Variants in ARRDC2 observed in about 807,000 individuals in gnomAD.
ARRDC2 encodes arrestin domain-containing protein 2.
A neutral mutation model predicts 38.9 loss-of-function variants in ARRDC2; 39 were observed. The ratio of observed to expected loss-of-function variants is 1.00; its 90% CI spans 0.78 to 1.31. The LOEUF (loss-of-function observed/expected upper bound fraction) is 1.31. Among genes scored for constraint, ARRDC2 ranks in the 50% most tolerant of loss-of-function variants. The pLI is 0.00. For synonymous variants in ARRDC2, 300 were observed against 261.9 expected, an observed-to-expected ratio of 1.15 and a Z score of -1.41; for missense variants, 553 against 588.4, an observed-to-expected ratio of 0.94 and a Z score of 0.62.
upstream of ARRDC2, among the ~76,000 whole-genome samples, chr19:18,005,806 C>T (rs1054582749): frequency 4.0e-5 from 6 of 151,548 alleles, no homozygotes; most frequent in South Asian, 8.3e-4. Context: ...GGCTGCCGGG[C>T]GGAGAAGCTC....
upstream of ARRDC2, among the ~76,000 whole-genome samples, chr19:18,005,760 C>G (rs1363585213): frequency 6.6e-6 from 1 of 150,984 alleles, no homozygotes; most frequent in Non-Finnish European, 1.5e-5. Flanking sequence ...ACTGGCTTGG[C>G]GGGGGCTGAC....
chr19:18,001,547 T>C (rs1306398646), exon 1 of ARRDC2: 1 of 1,378,712 alleles, frequency 7.3e-7, no homozygotes, highest in Admixed American at 3.1e-5. Flanking sequence ...GAGACCTACC[T>C]GCGGCGTCGG....
At chr19:18,006,409 G>A (rs967390273), upstream of ARRDC2, among the ~76,000 whole-genome samples, 4 of 152,230 alleles carry the variant, frequency 2.6e-5, no homozygotes, top group Non-Finnish European at 5.9e-5. Context: ...TGGATCACTC[G>A]AGGTTAGGAG....
chr19:18,001,721 C>G, intron 1 of ARRDC2: 1 of 946,120 alleles, frequency 1.1e-6, no homozygotes, highest in Non-Finnish European at 1.4e-6. Context: ...GGTCCTGACC[C>G]TCCCACAGGT....
Position 18,010,371 on chromosome 19 carries a change from C to T in ARRDC2, c.1012+13C>T. 6.2e-7 allele frequency: 1 copy of T among 1,603,762 alleles called. No individual in the cohort carries two copies. Among genetic ancestry groups the T allele is most frequent in the South Asian group, 1.1e-5 (1 of 90,846 alleles). The stretch of plus-strand genomic sequence containing the variant: ...GAGCGGCCTGAGGGTAAGCTCCCAC[C>T]CTGCTTGCATGCAGAGGGTGGGTGG... On this transcript the variant is annotated intron_variant, in intron 6 of 7. Coordinates refer to ENST00000222250, the MANE Select transcript of ARRDC2 (RefSeq NM_015683.2).
At chr19:18,001,187 C>A in exon 1 of ARRDC2, 1 of 1,032,600 alleles carries the variant, frequency 9.7e-7, no homozygotes, top group Non-Finnish European at 1.2e-6. Flanking sequence ...GGCCCAAGTT[C>A]GCCGGGGGGG....
In ARRDC2 at chr19:18,010,291, C is replaced by T; in HGVS notation, c.945C>T (p.Ser315=). Reference sequence around the variant, plus strand: ...TGCACCCTTTTGGCAGCCGTTCCTCCAGCGTGGGCAGCCACGCCAGCTTCC... The same window carrying T: ...TGCACCCTTTTGGCAGCCGTTCCTCTAGCGTGGGCAGCCACGCCAGCTTCC... ...IPLHPFGSRS[S]SVGSHASFLL... Residue 315 remains serine, a synonymous_variant, in exon 6 of 8, where the codon TCC becomes TCT. Coordinates refer to ENST00000222250, the MANE Select transcript of ARRDC2 (RefSeq NM_015683.2). The T allele has an allele frequency of 6.2e-7, 1 of 1,613,378 alleles. No homozygotes were observed. The highest frequency in any genetic ancestry group is 8.5e-7 in the Non-Finnish European group (1 of 1,180,018).
chr19:18,001,593 G>A, intron 1 of ARRDC2: 1 of 1,304,372 alleles, frequency 7.7e-7, no homozygotes, highest in Non-Finnish European at 9.8e-7. Context: ...TCGTCGCGCC[G>A]CCCCCGCAGC....
upstream of ARRDC2, chr19:18,008,117 CCCCA>C: frequency 2.3e-6 from 1 of 440,220 alleles, no homozygotes; most frequent in Non-Finnish European, 3.6e-6. Context: ...GAGACGGTGA[CCCCA>C]CCCCCCCCCG....
At chr19:18,002,401 A>C (rs1190802504) in intron 1 of ARRDC2, among the ~76,000 whole-genome samples, 14 of 152,192 alleles carry the variant, frequency 9.2e-5, no homozygotes, top group Non-Finnish European at 2.1e-4. Context: ...TAGGCCACGC[A>C]GCTGGTCACC....
In ARRDC2 at chr19:18,014,024, C is replaced by G. The variant is rs2033463244; in HGVS notation, c.*1058C>G. 1 of 152,010 alleles carries G rather than the reference C, an allele frequency of 6.6e-6. No individual in the cohort carries two copies. The highest frequency in any genetic ancestry group is 2.1e-4 in the South Asian group (1 of 4,822). 9.4% of individuals were successfully genotyped at this position (152,010 alleles called of 1,614,324 possible). ...GCTGGGGCAGGGCCCCGGCCTGGGA[C>G]TCAGCATTTCTGATATGCCTTAAGA... is the stretch of plus-strand genomic sequence containing the variant. On this transcript the variant is annotated 3_prime_UTR_variant, in exon 8 of 8. Transcript: ENST00000222250.
chr19:18,005,016 A>T (rs73026604), upstream of ARRDC2, among the ~76,000 whole-genome samples: 2,178 of 148,764 alleles, frequency 0.015, 28 homozygotes, highest in Admixed American at 0.026. Context: ...TTTAAAAAAA[A>T]TTTTTTTTTT....
intron 5 of ARRDC2, 35 bp from the exon 6 acceptor site, chr19:18,010,161 G>C (rs2033382740): frequency 1.9e-6 from 3 of 1,607,322 alleles, no homozygotes; most frequent in African/African-American, 2.7e-5. Flanking sequence ...TGGGGAGGCT[G>C]CCTGGGCACC....
At chr19:18,003,020 A>C (rs369847298) in intron 1 of ARRDC2, among the ~76,000 whole-genome samples, 26 of 152,078 alleles carry the variant, frequency 1.7e-4, no homozygotes, top group African/African-American at 5.8e-4. Flanking sequence ...GAATTGCTTG[A>C]ACCCGGCAGG....
upstream of ARRDC2, among the ~76,000 whole-genome samples, chr19:18,005,866 C>CA: frequency 6.6e-6 from 1 of 151,172 alleles, no homozygotes; most frequent in South Asian, 2.1e-4. Flanking sequence ...CCTCACTTCT[C>CA]AGACGGGGCG....
In ARRDC2 at chr19:18,010,215, G is replaced by A. The variant is rs767199251; in HGVS notation, c.869G>A (p.Gly290Glu). ...CTCCAGGTCTGTGTGGATATCCCAGGAACGTCCAAGCTGCTGCTGGAGCTG... is the reference window on the plus strand; with the variant it reads ...CTCCAGGTCTGTGTGGATATCCCAGAAACGTCCAAGCTGCTGCTGGAGCTG... ...YALKVCVDIP[G>E]TSKLLLELPL... The change falls in exon 6 of 8, where the codon GGA (glycine) becomes GAA (glutamate). Residue 290 changes from glycine to glutamate, a missense_variant. Physicochemically the swap from Gly to Glu is moderately conservative, Grantham distance 98 (BLOSUM62 -2). This residue lies in a region of ARRDC2 where 447 missense variants were observed against 456.6 expected (regional missense o/e 0.98). Transcript: ENST00000222250. 3.7e-6 allele frequency: 6 copies of A among 1,613,562 alleles called. No homozygotes were observed. The highest frequency in any genetic ancestry group is 2.2e-5 in the East Asian group (1 of 44,874).
chr19:18,008,364 G>T lies in ARRDC2; in HGVS notation c.54G>T (p.Ala18=). The change falls in exon 1 of 8, where the codon GCG becomes GCT. Residue 18 remains alanine, a synonymous_variant. Transcript: ENST00000222250. ...CGGTGCAGTTGGACGGCGCGACCGCGGGCGTCGAGCCCGTGTTTAGCGGCG... is the reference window on the plus strand; with the variant it reads ...CGGTGCAGTTGGACGGCGCGACCGCTGGCGTCGAGCCCGTGTTTAGCGGCG... ...AFSVQLDGAT[A]GVEPVFSGGQ... 6.3e-6 allele frequency: 10 copies of T among 1,596,908 alleles called. No homozygotes were observed. Among genetic ancestry groups the T allele is most frequent in the Non-Finnish European group, 8.5e-6 (10 of 1,179,006 alleles).
At chr19:18,010,132 A>G in intron 5 of ARRDC2, 64 bp from the exon 6 acceptor site, 1 of 1,607,156 alleles carries the variant, frequency 6.2e-7, no homozygotes, top group Non-Finnish European at 8.5e-7. Context: ...CTCCCCAGGC[A>G]TAGGAGGGAG....
rs2033457727 is a variant in ARRDC2, at chr19:18,013,744, A to C, written c.*778A>C. 6.6e-6 allele frequency: 1 copy of C among 152,296 alleles called. No homozygotes were observed. Among genetic ancestry groups the C allele is most frequent in the East Asian group, 1.9e-4 (1 of 5,172 alleles). The allele number at this position is 152,296 out of a possible 1,614,324, so 9.4% of individuals were successfully genotyped here. On this transcript the variant is annotated 3_prime_UTR_variant, in exon 8 of 8. Coordinates refer to ENST00000222250, the MANE Select transcript of ARRDC2 (RefSeq NM_015683.2). Reference sequence around the variant, plus strand: ...GGCATCAGAGCTGCCTGGGTGTTACATGGCCCAGGGAACCCAGGTTCAGGG... The same window carrying C: ...GGCATCAGAGCTGCCTGGGTGTTACCTGGCCCAGGGAACCCAGGTTCAGGG...
Sources: gnomAD v4.1 joint callset for allele counts (sites outside exome capture counted in the v4.1 genomes callset) on GRCh38, gnomAD v4.1.1 for gene constraint, gnomAD v4.1.1 regional missense constraint, MANE v1.5 for transcripts, NCBI Gene and HGNC (gene_info 2026-07-23, HGNC 2026-07-21) for gene names.